The following HOXA3 variants were observed in gnomAD, a reference collection of about 807,000 sequenced individuals.
HOXA3 encodes the protein homeobox protein Hox-A3.
HOXA3 carries 8 observed loss-of-function variants against 30.3 expected under a neutral mutation model. The observed-to-expected ratio is 0.26, with a 90% CI of 0.15 to 0.48. The LOEUF is 0.48. Ranked by LOEUF, HOXA3 falls within the 20% of genes least tolerant of loss-of-function variation. The pLI, the probability that HOXA3 is intolerant of heterozygous loss-of-function variation, is 0.99. For synonymous variants in HOXA3, 323 were observed against 273.1 expected (o/e 1.18, Z -1.80); for missense variants, 653 against 614.4 (o/e 1.06, Z -0.66).
At chr7:27,143,679 TATG>T (rs1311452465) in intron 1 of HOXA3, 1 of 1,507,174 alleles carries the variant, frequency 6.6e-7, no homozygotes, top group Non-Finnish European at 8.9e-7. Context: ...TTGCACAATT[TATG>T]ATGAATTATG....
chr7:27,144,654 G>C (rs1301676673), intron 1 of HOXA3, among the ~76,000 whole-genome samples: 2 of 152,222 alleles, frequency 1.3e-5, no homozygotes, highest in African/African-American at 4.8e-5. Context: ...CCGTGGGGCG[G>C]GTTACTGGGG....
intron 1 of HOXA3, among the ~76,000 whole-genome samples, chr7:27,149,302 CTATT>C (rs1307607822): frequency 6.6e-6 from 1 of 152,210 alleles, no homozygotes; most frequent in Non-Finnish European, 1.5e-5. Context: ...TGAAGAAAGA[CTATT>C]TACGTGATTT....
At chr7:27,135,186 T>C (rs889827952) in intron 2 of HOXA3, among the ~76,000 whole-genome samples, 9 of 152,056 alleles carry the variant, frequency 5.9e-5, no homozygotes, top group Admixed American at 5.9e-4. Context: ...CTTGGCTTTT[T>C]TTTTTAATTC....
At chr7:27,142,922 G>A in intron 1 of HOXA3, 2 of 897,822 alleles carry the variant, frequency 2.2e-6, no homozygotes, top group Non-Finnish European at 3.4e-6. Flanking sequence ...GAACGGCAAG[G>A]AGAGCTCCGC....
At chr7:27,124,941 T>A (rs991315392) in intron 3 of HOXA3, among the ~76,000 whole-genome samples, 3 of 152,174 alleles carry the variant, frequency 2.0e-5, no homozygotes, top group African/African-American at 7.2e-5. Context: ...CGAGATGCCC[T>A]GACATCTGTC....
In HOXA3 at chr7:27,151,726, A is replaced by G. The variant is rs547411960; in HGVS notation, c.-494+562T>C. 4 of 456,350 alleles carry G rather than the reference A, an allele frequency of 8.8e-6. 1 individual carries two copies. Among genetic ancestry groups the G allele is most frequent in the African/African-American group, 8.0e-5 (4 of 50,180 alleles). The allele number at this position is 456,350 out of a possible 1,614,324, so 28.3% of individuals were successfully genotyped here. A position where few individuals can be genotyped will look rare whatever the true frequency, so the allele number is the denominator to read the frequency against. ...CCTTCTACCTTTCTCTCTGAAACCA[A>G]TTCCCACGGAGTAGAAAGTGCTGTG... On this transcript the variant is annotated intron_variant, in intron 1 of 5. Coordinates refer to ENST00000612286, the MANE Select transcript of HOXA3 (RefSeq NM_153631.3).
intron 4 of HOXA3, chr7:27,114,116 G>C (rs1427344406): frequency 6.6e-6 from 1 of 151,894 alleles, no homozygotes; most frequent in Non-Finnish European, 1.5e-5. Flanking sequence ...TGTGGGGGAT[G>C]GGGCTGAGGC....
At chr7:27,146,046 G>A in intron 1 of HOXA3, 1 of 1,077,962 alleles carries the variant, frequency 9.3e-7, no homozygotes, top group Non-Finnish European at 1.3e-6. Context: ...CTCCCACTAT[G>A]TCTGGGGCCC....
chr7:27,152,429 G>T lies in HOXA3; in HGVS notation c.-635C>A, dbSNP rs1181470504. 1.0e-5 allele frequency: 12 copies of T among 1,152,450 alleles called. No individual in the cohort carries two copies. The highest frequency in any genetic ancestry group is 6.6e-5 in the African/African-American group (4 of 60,352). 71.4% of individuals were successfully genotyped at this position (1,152,450 alleles called of 1,614,324 possible). ...CGAGTTGCAAAGCTGCTGCCGCGGCGCCGGGAACGGAGCGCGCCCAATCTC... is the reference window on the plus strand; with the variant it reads ...CGAGTTGCAAAGCTGCTGCCGCGGCTCCGGGAACGGAGCGCGCCCAATCTC... On this transcript the variant is annotated 5_prime_UTR_variant, in exon 1 of 6. Coordinates refer to ENST00000612286, the MANE Select transcript of HOXA3 (RefSeq NM_153631.3).
rs939640701 is a variant in HOXA3 at position 27,113,522 on chromosome 7, T to G, written c.-120-2762A>C. The G allele has an allele frequency of 1.3e-5, 2 of 152,148 alleles. No homozygotes were observed. The highest frequency in any genetic ancestry group is 2.9e-5 in the Non-Finnish European group (2 of 68,024). The allele number at this position is 152,148 out of a possible 1,614,324, so 9.4% of individuals were successfully genotyped here. ...CACTGCCGGGAAGGAAGCTCCGGCT[T>G]GTGAACTCTTCTTGAACCGAGATTT... On this transcript the variant is annotated intron_variant, in intron 4 of 5. Transcript: ENST00000612286. This position sits in a 1 kb window ranked among gnomAD's most constrained non-coding sequence, Gnocchi z 4.8.
chr7:27,147,717 G>A (rs767727688), intron 1 of HOXA3: 2 of 1,610,906 alleles, frequency 1.2e-6, no homozygotes, highest in East Asian at 2.2e-5. Context: ...GAAGGCTCCC[G>A]GGGAAAGTGG....
rs1354776107 is a variant in HOXA3 at position 27,152,378 on chromosome 7, G to C, written c.-584C>G. 8.4e-6 allele frequency: 10 copies of C among 1,191,018 alleles called. No individual in the cohort carries two copies. The highest frequency in any genetic ancestry group is 8.5e-6 in the Non-Finnish European group (8 of 940,264). The allele number at this position is 1,191,018 out of a possible 1,614,324, so 73.8% of individuals were successfully genotyped here. The stretch of plus-strand genomic sequence containing the variant: ...AGAATTGTCCTCTTTCCTGGTGCCA[G>C]AGGACGCAGGAAATTAGCCAGGTTG... On this transcript the variant is annotated 5_prime_UTR_variant, in exon 1 of 6. Coordinates refer to ENST00000612286, the MANE Select transcript of HOXA3 (RefSeq NM_153631.3).
At chr7:27,145,828 G>C (rs756845392) in intron 1 of HOXA3, 1 of 1,614,242 alleles carries the variant, frequency 6.2e-7, no homozygotes, top group Non-Finnish European at 8.5e-7. Context: ...GTCAGGTAGC[G>C]GTTGAAGTGG....
intron 3 of HOXA3, among the ~76,000 whole-genome samples, chr7:27,126,469 G>A (rs1333744327): frequency 6.6e-6 from 1 of 151,866 alleles, no homozygotes; most frequent in South Asian, 2.1e-4. Context: ...TAATGAGATA[G>A]AAAATTTGTC....
intron 3 of HOXA3, 33 bp from the exon 4 acceptor site, chr7:27,122,675 C>CGGCT (rs755471003): frequency 4.6e-5 from 7 of 152,142 alleles, no homozygotes; most frequent in Non-Finnish European, 5.9e-5. Context: ...AGGTGAATGG[C>CGGCT]GGCTGCGAGG....
At chr7:27,117,158 G>T (rs1784769392) in intron 4 of HOXA3, among the ~76,000 whole-genome samples, 1 of 152,210 alleles carries the variant, frequency 6.6e-6, no homozygotes, top group Admixed American at 6.5e-5. Flanking sequence ...GAAACATGCA[G>T]TTTAACTTTC....
At chr7:27,129,867 A>G in intron 2 of HOXA3, 1 of 605,128 alleles carries the variant, frequency 1.7e-6, no homozygotes, top group Non-Finnish European at 2.9e-6. Context: ...TATGGGGGCT[A>G]TAATTACTGC....
At chr7:27,114,952 CT>C (rs1355307465) in intron 4 of HOXA3, among the ~76,000 whole-genome samples, 3 of 142,482 alleles carry the variant, frequency 2.1e-5, no homozygotes, top group African/African-American at 7.8e-5. Flanking sequence ...CCGAATTTGC[CT>C]GGTAATATTG....
At chr7:27,145,711 T>C in intron 1 of HOXA3, 2 of 1,614,090 alleles carry the variant, frequency 1.2e-6, no homozygotes, top group Non-Finnish European at 1.7e-6. Flanking sequence ...GTGGAATTGA[T>C]GAGCTTGTTT....
Sources: allele counts gnomAD v4.1 joint callset (sites outside exome capture counted in the v4.1 genomes callset), GRCh38; gene constraint gnomAD v4.1.1; non-coding constraint Gnocchi (gnomAD v3.1); transcripts MANE v1.5; gene names NCBI Gene and HGNC (gene_info 2026-07-23, HGNC 2026-07-21).